VPS72: variants seen among roughly 807,000 people sequenced by gnomAD.
VPS72 encodes vacuolar protein sorting-associated protein 72 homolog.
In VPS72, 27 loss-of-function variants were observed where a neutral mutation model predicts 38.9. The ratio of observed to expected loss-of-function variants is 0.69; its 90% confidence interval spans 0.51 to 0.96. The LOEUF (loss-of-function observed/expected upper bound fraction) is 0.96. Among genes scored for constraint, VPS72 ranks in the 40% least tolerant of loss-of-function variants. VPS72 has a pLI of 0.00. For missense variants in VPS72, 360 were observed against 479.5 expected (o/e 0.75, Z 2.33); for synonymous variants, 173 against 186.3 (o/e 0.93, Z 0.58).
Position 151,184,512 on chromosome 1 carries a change from A to G in VPS72, c.386-19T>C. On this transcript the variant is annotated intron_variant, in intron 3 of 5. Coordinates refer to ENST00000368892, the MANE Select transcript of VPS72 (RefSeq NM_005997.3). ...TTCCGACCTGGAAGAGAGTGAGATA[A>G]GAAGAAATCTTTGAATTCATGTCCA... 6.4e-7 allele frequency: 1 copy of G among 1,571,804 alleles called. No homozygotes were observed. Among genetic ancestry groups the G allele is most frequent in the East Asian group, 2.3e-5 (1 of 44,024 alleles).
intron 4 of VPS72, 41 bp downstream of exon 4, chr1:151,184,276 C>A (rs1217585720): frequency 6.2e-7 from 1 of 1,602,076 alleles, no homozygotes; most frequent in Non-Finnish European, 8.5e-7. Flanking sequence ...TCTCATGCCC[C>A]TCAGCCCCTC....
intron 4 of VPS72, among the ~76,000 whole-genome samples, chr1:151,180,089 C>T (rs1445369439): frequency 4.6e-5 from 7 of 151,424 alleles, no homozygotes; most frequent in Non-Finnish European, 7.4e-5. Flanking sequence ...GAGGCCTAGG[C>T]GGGTGGATCA....
intron 4 of VPS72, among the ~76,000 whole-genome samples, chr1:151,183,988 C>T (rs587730671): frequency 6.6e-6 from 1 of 151,868 alleles, no homozygotes; most frequent in South Asian, 2.1e-4. Flanking sequence ...TTTCCTGAGT[C>T]ATTAGGTATA....
At chr1:151,178,250 A>G in intron 4 of VPS72, 105 bp from the exon 5 acceptor site, 3 of 1,398,052 alleles carry the variant, frequency 2.1e-6, no homozygotes, top group Non-Finnish European at 2.8e-6. Context: ...CTATCTAGTC[A>G]CTGCCAACTA....
In VPS72 at chr1:151,176,969, G is replaced by T. The variant is rs587674014; in HGVS notation, c.770C>A (p.Pro257His). ...TPHAGTGPVN[P>H]PARCSRTFIT... ...GAAGGTACGTGAGCAGCGAGCAGGGGGGTTGACGGGTCCAGTCCCAGCATG... is the reference window on the plus strand; with the variant it reads ...GAAGGTACGTGAGCAGCGAGCAGGGTGGTTGACGGGTCCAGTCCCAGCATG... The change falls in exon 6 of 6, where the codon CCC (proline) becomes CAC (histidine). Residue 257 changes from proline (P) to histidine (H), a missense_variant. This residue lies in a region of VPS72 where 294 missense variants were observed against 356.3 expected (regional missense o/e 0.83). Coordinates refer to ENST00000368892, the MANE Select transcript of VPS72 (RefSeq NM_005997.3). The T allele has an allele frequency of 1.2e-6, 2 of 1,606,588 alleles. No homozygotes were observed. Among genetic ancestry groups the T allele is most frequent in the African/African-American group, 1.3e-5 (1 of 74,896 alleles).
chr1:151,185,455 C>T (rs749545678), intron 3 of VPS72, 51 bp downstream of exon 3: 17 of 1,545,598 alleles, frequency 1.1e-5, no homozygotes, highest in Non-Finnish European at 1.4e-5. Context: ...TGATATGATA[C>T]TTTATTATTA....
In VPS72 at chr1:151,176,880, G is replaced by A. The variant is rs867678036; in HGVS notation, c.859C>T (p.Pro287Ser). 1 of 1,614,132 alleles carries A rather than the reference G, an allele frequency of 6.2e-7. No homozygotes were observed. Among genetic ancestry groups the A allele is most frequent in the Non-Finnish European group, 8.5e-7 (1 of 1,180,024 alleles). The change falls in exon 6 of 6, where the codon CCT (proline) becomes TCT (serine). Residue 287 changes from proline to serine, a missense_variant. By Grantham distance (74) the Pro-to-Ser change is moderately conservative. Transcript: ENST00000368892. ...GTCACTGGACAGACCTCACGAACAG[G>A]GACTTTTGGGGGCCGCCCTTGGGGG... is the stretch of plus-strand genomic sequence containing the variant. ...WFPQGRPPKVPVREVCPVTHR... is the reference protein window; with the variant it reads ...WFPQGRPPKVSVREVCPVTHR...
In VPS72 at chr1:151,176,543, C is replaced by T; in HGVS notation, c.*101G>A. Reference sequence around the variant, plus strand: ...GAAAAGGAAAAAGAAACAGATTAGGCAAAGATCAGAGATGACAAAGGGGAG... The same window carrying T: ...GAAAAGGAAAAAGAAACAGATTAGGTAAAGATCAGAGATGACAAAGGGGAG... On this transcript the variant is annotated 3_prime_UTR_variant, in exon 6 of 6. Transcript: ENST00000368892. 2.7e-6 allele frequency: 4 copies of T among 1,498,542 alleles called. No homozygotes were observed. The highest frequency in any genetic ancestry group is 3.6e-6 in the Non-Finnish European group (4 of 1,121,948). 92.8% of individuals were successfully genotyped at this position (1,498,542 alleles called of 1,614,324 possible).
At position 151,189,795 on chromosome 1, in the gene VPS72, C is replaced by T. The variant is rs78871507; in HGVS notation, c.117+210G>A. 4.9e-4 allele frequency among the ~76,000 whole-genome samples: 75 copies of T among 152,156 alleles called. 3 individuals are homozygous for T. In the East Asian group the frequency reaches 0.014, roughly 28 times the overall value. On this transcript the variant is annotated intron_variant, in intron 1 of 5. Coordinates refer to ENST00000368892, the MANE Select transcript of VPS72 (RefSeq NM_005997.3). ...TCCGGAGAGCTTCTCCGTCTCAGGCCCCTTTGACCCCATCCAGAGCTCTCC... is the reference window on the plus strand; with the variant it reads ...TCCGGAGAGCTTCTCCGTCTCAGGCTCCTTTGACCCCATCCAGAGCTCTCC...
At position 151,176,446 on chromosome 1, in the gene VPS72, T is replaced by G. The variant is rs587628356; in HGVS notation, c.*198A>C. ...ATACTTCTTGCTCCCAACCCTAGAC[T>G]GGACACCAGACAAAAGGGATCTTTC... is the stretch of plus-strand genomic sequence containing the variant. On this transcript the variant is annotated 3_prime_UTR_variant, in exon 6 of 6. Transcript: ENST00000368892. 2.2e-6 allele frequency: 2 copies of G among 902,590 alleles called. No individual in the cohort carries two copies. Among genetic ancestry groups the G allele is most frequent in the Non-Finnish European group, 3.3e-6 (2 of 612,086 alleles). 55.9% of individuals were successfully genotyped at this position (902,590 alleles called of 1,614,324 possible).
Position 151,181,750 on chromosome 1 carries a change from T to G in VPS72, c.562+2567A>C, listed in dbSNP as rs1490912081. Among the ~76,000 whole-genome samples the G allele has an allele frequency of 2.0e-5, 3 of 152,156 alleles. No homozygotes were observed. In the East Asian group the frequency reaches 5.8e-4, roughly 29 times the overall value. Reference sequence around the variant, plus strand: ...CTGCTCAATATCCCACATCAATAACTATTTAAATGCTCCTCAGTCTCCTCA... The same window carrying G: ...CTGCTCAATATCCCACATCAATAACGATTTAAATGCTCCTCAGTCTCCTCA... On this transcript the variant is annotated intron_variant, in intron 4 of 5. Transcript: ENST00000368892.
chr1:151,176,474 T>C lies in VPS72; in HGVS notation c.*170A>G. The C allele has an allele frequency of 8.6e-7, 1 of 1,166,156 alleles. No homozygotes were observed. Among genetic ancestry groups the C allele is most frequent in the Non-Finnish European group, 1.2e-6 (1 of 838,494 alleles). The allele number at this position is 1,166,156 out of a possible 1,614,324, so 72.2% of individuals were successfully genotyped here. A position where few individuals can be genotyped will look rare whatever the true frequency, so the allele number is the denominator to read the frequency against. On this transcript the variant is annotated 3_prime_UTR_variant, in exon 6 of 6. Coordinates refer to ENST00000368892, the MANE Select transcript of VPS72 (RefSeq NM_005997.3). ...ACACCAGACAAAAGGGATCTTTCTATTTTATTAGATTAAAAAACACAACGA... is the reference window on the plus strand; with the variant it reads ...ACACCAGACAAAAGGGATCTTTCTACTTTATTAGATTAAAAAACACAACGA...
intron 4 of VPS72, among the ~76,000 whole-genome samples, chr1:151,180,672 G>A (rs587742273): frequency 2.0e-5 from 3 of 152,208 alleles, no homozygotes; most frequent in East Asian, 1.9e-4. Context: ...TCCTGACCTC[G>A]TGATCCGCCC....
rs1684299192 is a variant in VPS72 at position 151,184,249 on chromosome 1, C to T, written c.562+68G>A. On this transcript the variant is annotated intron_variant, in intron 4 of 5. Transcript: ENST00000368892. Reference sequence around the variant, plus strand: ...TCCATCTCTCCAGTTCTTTGGTCCTCCAGGTCTCATGGTTTTTCTCATGCC... The same window carrying T: ...TCCATCTCTCCAGTTCTTTGGTCCTTCAGGTCTCATGGTTTTTCTCATGCC... 4.5e-6 allele frequency: 7 copies of T among 1,568,200 alleles called. No homozygotes were observed. The African/African-American group carries it at 5.4e-5, about 12-fold the overall frequency.
intron 3 of VPS72, among the ~76,000 whole-genome samples, chr1:151,184,696 C>G (rs1393190516): frequency 1.3e-5 from 2 of 151,870 alleles, no homozygotes; most frequent in Non-Finnish European, 2.9e-5. Context: ...AACAATTCTC[C>G]TGCCTCAGAC....
At chr1:151,186,679 C>T (rs902574815) in intron 1 of VPS72, among the ~76,000 whole-genome samples, 1 of 151,968 alleles carries the variant, frequency 6.6e-6, no homozygotes, top group Non-Finnish European at 1.5e-5. Flanking sequence ...GAAACAAAGG[C>T]ACAGAAATGG....
In VPS72 at chr1:151,176,913, C is replaced by G. The variant is rs751226056; in HGVS notation, c.826G>C (p.Glu276Gln). The G allele has an allele frequency of 1.2e-6, 2 of 1,613,906 alleles. No homozygotes were observed. The highest frequency in any genetic ancestry group is 1.7e-6 in the Non-Finnish European group (2 of 1,179,894). The change falls in exon 6 of 6, where the codon GAA becomes CAA. Residue 276 changes from glutamate to glutamine, a missense_variant. By Grantham distance (29) the Glu-to-Gln change is conservative (BLOSUM62 2). Coordinates refer to ENST00000368892, the MANE Select transcript of VPS72 (RefSeq NM_005997.3). Reference sequence around the variant, plus strand: ...GGGGGCCGCCCTTGGGGGAACCATTCCTCGAAAGTTGCATCATCACTAAAA... The same window carrying G: ...GGGGGCCGCCCTTGGGGGAACCATTGCTCGAAAGTTGCATCATCACTAAAA... The part of the protein sequence containing the change: ...ITFSDDATFE[E>Q]WFPQGRPPKV...
Position 151,180,575 on chromosome 1 carries a change from C to T in VPS72, c.563-2430G>A, listed in dbSNP as rs587710818. 2.7e-3 allele frequency among the ~76,000 whole-genome samples: 405 copies of T among 152,068 alleles called. 11 individuals carry two copies. Among genetic ancestry groups the T allele is most frequent in the Non-Finnish European group, 4.6e-4 (31 of 67,966 alleles). On this transcript the variant is annotated intron_variant, in intron 4 of 5. Transcript: ENST00000368892. The stretch of plus-strand genomic sequence containing the variant: ...GCCTCAGCCTCCTGAGTAGCAGGGA[C>T]TATAGGCACGTGCCACCATGCCCAG...
chr1:151,186,464 CAGG>C (rs1684352398), intron 1 of VPS72, among the ~76,000 whole-genome samples: 1 of 151,392 alleles, frequency 6.6e-6, no homozygotes, highest in Non-Finnish European at 1.5e-5. Flanking sequence ...GAGGTTGAGG[CAGG>C]AGAACTGCTT....
Sources: allele counts gnomAD v4.1 joint callset (sites outside exome capture counted in the v4.1 genomes callset), GRCh38; gene constraint gnomAD v4.1.1; regional missense constraint gnomAD v4.1.1; transcripts MANE v1.5; gene names NCBI Gene and HGNC (gene_info 2026-07-23, HGNC 2026-07-21).